PAGE2B: variants seen among roughly 807,000 people sequenced by gnomAD.
PAGE2B encodes PAGE family member 2B, also known as putative G antigen family E member 3.
A neutral mutation model predicts 7.6 loss-of-function variants in PAGE2B; 5 were observed. The observed-to-expected ratio is 0.66, with a 90% CI of 0.34 to 1.38. The LOEUF (loss-of-function observed/expected upper bound fraction) is 1.38. PAGE2B is among the 40% of genes most tolerant of loss of function. The pLI, the probability that PAGE2B is intolerant of heterozygous loss-of-function variation, is 0.04. For synonymous variants in PAGE2B, 29 were observed against 26.7 expected (o/e 1.09, Z -0.27); for missense variants, 70 against 78.4 (o/e 0.89, Z 0.41).
chrX:55,048,748 C>A, the PAGE2B span, among the ~76,000 whole-genome samples: 19 of 111,720 alleles, frequency 1.7e-4, no homozygotes, highest in Admixed American at 1.8e-3. Flanking sequence ...ATGTCATCTG[C>A]AAACAAGGAC....
At chrX:55,043,707 C>G in the PAGE2B span, among the ~76,000 whole-genome samples, 3 of 111,058 alleles carry the variant, frequency 2.7e-5, no homozygotes, top group African/African-American at 9.8e-5. Flanking sequence ...GTGGCTCTTG[C>G]CTGCAATCCC....
At chrX:55,060,742 C>A in the PAGE2B span, among the ~76,000 whole-genome samples, 1 of 111,012 alleles carries the variant, frequency 9.0e-6, no homozygotes, top group Non-Finnish European at 1.9e-5. Flanking sequence ...AGTACTTTTA[C>A]AGTTTTAGGT....
chrX:55,036,617 A>G, the PAGE2B span, among the ~76,000 whole-genome samples: 2 of 111,412 alleles, frequency 1.8e-5, no homozygotes, highest in Admixed American at 9.6e-5. Context: ...AAAAGAACAA[A>G]ACTGGAAGCA....
chrX:55,052,630 G>A, the PAGE2B span, among the ~76,000 whole-genome samples: 1 of 112,839 alleles, frequency 8.9e-6, no homozygotes, highest in Non-Finnish European at 1.9e-5. Context: ...ATAATCTCCT[G>A]GTGTGCCATT....
the PAGE2B span, among the ~76,000 whole-genome samples, chrX:55,064,690 T>C: frequency 9.0e-6 from 1 of 111,348 alleles, no homozygotes; most frequent in Non-Finnish European, 1.9e-5. Flanking sequence ...CTTACAGTTA[T>C]AAACTTCCCT....
chrX:55,048,351 G>T, the PAGE2B span, among the ~76,000 whole-genome samples: 1 of 111,796 alleles, frequency 8.9e-6, no homozygotes, highest in African/African-American at 3.3e-5. Context: ...GAAAGTCATT[G>T]GTAGCTTGAT....
the PAGE2B span, among the ~76,000 whole-genome samples, chrX:55,069,947 G>A: frequency 9.0e-6 from 1 of 111,049 alleles, no homozygotes; most frequent in Non-Finnish European, 1.9e-5. Context: ...TTCTTTATCA[G>A]TCTGGCTGGT....
At chrX:55,058,236 AG>A in the PAGE2B span, among the ~76,000 whole-genome samples, 1 of 110,478 alleles carries the variant, frequency 9.1e-6, no homozygotes, top group Non-Finnish European at 1.9e-5. Context: ...GGGAGTAAAA[AG>A]TGTCGGGGGG....
the PAGE2B span, among the ~76,000 whole-genome samples, chrX:55,035,985 G>C: frequency 1.8e-5 from 2 of 111,520 alleles, no homozygotes; most frequent in African/African-American, 3.3e-5. Flanking sequence ...TTGAGCAGTG[G>C]TTTGTAGTTC....
the PAGE2B span, among the ~76,000 whole-genome samples, chrX:55,037,554 A>G: frequency 1.8e-5 from 2 of 111,358 alleles, no homozygotes; most frequent in South Asian, 3.8e-4. Flanking sequence ...ATTACTGGGT[A>G]TATACCCAAA....
chrX:55,043,308 C>T, the PAGE2B span, among the ~76,000 whole-genome samples: 1 of 111,684 alleles, frequency 9.0e-6, no homozygotes, highest in Non-Finnish European at 1.9e-5. Context: ...TGCCCAAAAG[C>T]AAACATGACA....
upstream of PAGE2B, among the ~76,000 whole-genome samples, chrX:55,073,046 G>A (rs369696103): frequency 4.5e-5 from 5 of 111,391 alleles, no homozygotes; most frequent in South Asian, 7.6e-4. Flanking sequence ...CTGGTTCCCC[G>A]GATTCAGCCC....
At chrX:55,050,555 T>C in the PAGE2B span, among the ~76,000 whole-genome samples, 3,292 of 110,629 alleles carry the variant, frequency 0.03, 138 homozygotes, top group African/African-American at 0.1. Flanking sequence ...CCCTTTACCA[T>C]TATGTAATGG....
At chrX:55,075,644 C>T in intron 1 of PAGE2B, among the ~76,000 whole-genome samples, 1 of 111,568 alleles carries the variant, frequency 9.0e-6, no homozygotes, top group South Asian at 3.8e-4. Context: ...TGCTTTCCAA[C>T]AAGACTTGAT....
At chrX:55,072,816 G>A (rs765026125), upstream of PAGE2B, among the ~76,000 whole-genome samples, 263 of 112,078 alleles carry the variant, frequency 2.3e-3, 1 homozygote, top group African/African-American at 8.0e-3. Flanking sequence ...ACTTTGCCAA[G>A]CTGTGATGAG....
At chrX:55,039,590 C>G in the PAGE2B span, among the ~76,000 whole-genome samples, 1 of 110,015 alleles carries the variant, frequency 9.1e-6, no homozygotes, top group Non-Finnish European at 1.9e-5. Flanking sequence ...TGAAAACAAG[C>G]ATTTCCAGTT....
upstream of PAGE2B, among the ~76,000 whole-genome samples, chrX:55,070,541 T>C (rs1936439400): frequency 9.0e-6 from 1 of 111,715 alleles, no homozygotes; most frequent in Non-Finnish European, 1.9e-5. Context: ...TGTAGATGTC[T>C]GTTAGGTCTG....
the PAGE2B span, among the ~76,000 whole-genome samples, chrX:55,037,897 G>T: frequency 1.4e-5 from 1 of 71,272 alleles, no homozygotes; most frequent in African/African-American, 5.8e-5. Context: ...ACTGGGGCCT[G>T]TTGTGGGGTG....
chrX:55,044,450 T>C, the PAGE2B span, among the ~76,000 whole-genome samples: 11 of 111,337 alleles, frequency 9.9e-5, no homozygotes, highest in Non-Finnish European at 1.7e-4. Context: ...CTTTGGGGAC[T>C]TGGGGGGAAG....
Sources: allele counts gnomAD v4.1 joint callset (sites outside exome capture counted in the v4.1 genomes callset), GRCh38; gene constraint gnomAD v4.1.1; transcripts MANE v1.5; gene names NCBI Gene and HGNC (gene_info 2026-07-23, HGNC 2026-07-21).